The following UNC80 variants were observed in gnomAD, a reference collection of about 807,000 sequenced individuals.
UNC80 encodes the protein unc-80 subunit of NALCN channel complex, also known as protein unc-80 homolog.
In UNC80, 164 loss-of-function variants were observed where a neutral mutation model predicts 384.6. That is an observed-to-expected ratio of 0.43 (90% CI 0.38 to 0.49). The LOEUF (loss-of-function observed/expected upper bound fraction) is 0.49. Ranked by LOEUF, UNC80 falls within the 20% of genes least tolerant of loss-of-function variation. The pLI is 0.00. For missense variants in UNC80, 3,330 were observed against 4,143.0 expected (o/e 0.80, Z 5.39); for synonymous variants, 1,486 against 1,527.8 (o/e 0.97, Z 0.64).
intron 40 of UNC80, 131 bp from the exon 41 acceptor site, chr2:209,936,713 A>T (rs1446925909): frequency 4.7e-6 from 3 of 638,378 alleles, no homozygotes; most frequent in Non-Finnish European, 5.6e-6. Context: ...TTTACATAAG[A>T]CATCAATATA....
In UNC80 at chr2:209,962,831, C is replaced by A. The variant is rs546217118; in HGVS notation, c.7805+3124C>A. Among the ~76,000 whole-genome samples the A allele has an allele frequency of 2.6e-5, 4 of 152,196 alleles. No homozygotes were observed. The South Asian group carries it at 8.3e-4, about 32-fold the overall frequency. On this transcript the variant is annotated intron_variant, in intron 51 of 64. Transcript: ENST00000673920. ...TTAAGGCTCTCCTATAAGTTAAGTG[C>A]GCACTTGAATATGTGTAAAAGTTGG...
In UNC80 at chr2:209,995,656, A is replaced by T. The variant is rs2093473247; in HGVS notation, c.*61A>T. ...ACATGAAAGTGATCTCTCTACTACAAGTTCAATACTTTTGCTTGAAAAAGA... is the reference window on the plus strand; with the variant it reads ...ACATGAAAGTGATCTCTCTACTACATGTTCAATACTTTTGCTTGAAAAAGA... On this transcript the variant is annotated 3_prime_UTR_variant, in exon 65 of 65. Coordinates refer to ENST00000673920, the MANE Select transcript of UNC80 (RefSeq NM_001371986.1). 6.7e-7 allele frequency: 1 copy of T among 1,497,560 alleles called. No homozygotes were observed. The highest frequency in any genetic ancestry group is 2.5e-5 in the East Asian group (1 of 40,374). 92.8% of individuals were successfully genotyped at this position (1,497,560 alleles called of 1,614,324 possible). A position where few individuals can be genotyped will look rare whatever the true frequency, so the allele number is the denominator to read the frequency against.
Position 209,917,799 on chromosome 2 carries a change from A to C in UNC80, c.5052A>C (p.Ala1684=). The C allele has an allele frequency of 6.4e-7, 1 of 1,552,138 alleles. No homozygotes were observed. Among genetic ancestry groups the C allele is most frequent in the Non-Finnish European group, 8.7e-7 (1 of 1,147,076 alleles). Residue 1684 remains alanine, a synonymous_variant, in exon 32 of 65, where the codon GCA becomes GCC. Transcript: ENST00000673920. ...TAGCTGCCATGTTCCTGCTGTGTGC[A>C]GTGAAGGTGCCTGAGGCCGTGTCCG... is the stretch of plus-strand genomic sequence containing the variant. ...GAAAAMFLLC[A]VKVPEAVSDM...
chr2:209,925,691 A>T (rs1469365140), intron 35 of UNC80, among the ~76,000 whole-genome samples: 1 of 152,046 alleles, frequency 6.6e-6, no homozygotes, highest in East Asian at 1.9e-4. Flanking sequence ...GATTTTACAG[A>T]GTGCTGGTTG....
At chr2:209,794,324 AC>A (rs2078020000) in intron 7 of UNC80, among the ~76,000 whole-genome samples, 1 of 152,158 alleles carries the variant, frequency 6.6e-6, no homozygotes, top group Admixed American at 6.5e-5. Context: ...TTGCTTATAA[AC>A]ACCTTCTCCA....
At position 209,917,896 on chromosome 2, in the gene UNC80, C is replaced by G; in HGVS notation, c.5149C>G (p.Leu1717Val). 6.4e-7 allele frequency: 1 copy of G among 1,551,792 alleles called. No individual in the cohort carries two copies. Among genetic ancestry groups the G allele is most frequent in the Non-Finnish European group, 8.7e-7 (1 of 1,147,012 alleles). The change falls in exon 32 of 65, where the codon CTC becomes GTC. Residue 1717 changes from leucine to valine, a missense_variant. Transcript: ENST00000673920. ...RLNAVLKFHTLWRFRYQVWPR... is the reference protein window; with the variant it reads ...RLNAVLKFHTVWRFRYQVWPR... Reference sequence around the variant, plus strand: ...GAACGCTGTCCTCAAGTTCCACACGCTCTGGAGGTTTCGCTATCAGGTCTG... The same window carrying G: ...GAACGCTGTCCTCAAGTTCCACACGGTCTGGAGGTTTCGCTATCAGGTCTG...
At chr2:209,882,220 C>T (rs1208562865) in intron 25 of UNC80, among the ~76,000 whole-genome samples, 1 of 152,044 alleles carries the variant, frequency 6.6e-6, no homozygotes, top group Non-Finnish European at 1.5e-5. Context: ...CCTGCCTTGG[C>T]CTCCCAAAGT....
chr2:209,826,722 A>G (rs915207037), intron 14 of UNC80, among the ~76,000 whole-genome samples: 4 of 152,050 alleles, frequency 2.6e-5, no homozygotes, highest in African/African-American at 9.7e-5. Context: ...TTCTTTTTCA[A>G]TTTGAACAAT....
At position 209,793,725 on chromosome 2, in the gene UNC80, C is replaced by T. The variant is rs368311521; in HGVS notation, c.804C>T (p.Leu268=). ...PNQDARHLEG[L]QVVCETFQSD... ...GCTATCTCTGCCTCCAAAAGGGACTCCAGGTGGTTTGTGAAACATTCCAGT... is the reference window on the plus strand; with the variant it reads ...GCTATCTCTGCCTCCAAAAGGGACTTCAGGTGGTTTGTGAAACATTCCAGT... Residue 268 remains leucine (L), a synonymous_variant, in exon 7 of 65, where the codon CTC becomes CTT. Transcript: ENST00000673920. 8 of 1,613,678 alleles carry T rather than the reference C, an allele frequency of 5.0e-6. No individual in the cohort carries two copies. The highest frequency in any genetic ancestry group is 1.3e-5 in the African/African-American group (1 of 74,910).
At chr2:209,947,290 A>C (rs1295623771) in intron 47 of UNC80, among the ~76,000 whole-genome samples, 1 of 152,244 alleles carries the variant, frequency 6.6e-6, no homozygotes, top group Non-Finnish European at 1.5e-5. Flanking sequence ...CAGATATGTC[A>C]GATATTCTGC....
intron 22 of UNC80, among the ~76,000 whole-genome samples, chr2:209,867,883 G>A (rs952065487): frequency 2.0e-5 from 3 of 152,162 alleles, no homozygotes; most frequent in African/African-American, 7.2e-5. Context: ...ACCATTTCAG[G>A]TGTTCTAAAT....
At chr2:209,820,733 C>G in intron 13 of UNC80, 54 bp downstream of exon 13, 4 of 1,461,378 alleles carry the variant, frequency 2.7e-6, no homozygotes, top group Non-Finnish European at 3.6e-6. Context: ...TAATTTCTTT[C>G]TAAAGCTTGC....
Position 209,910,956 on chromosome 2 carries a change from T to A in UNC80, c.4783-1604T>A, listed in dbSNP as rs749163301. Among the ~76,000 whole-genome samples the A allele has an allele frequency of 1.3e-5, 2 of 152,070 alleles. 1 individual carries two copies. The highest frequency in any genetic ancestry group is 2.9e-5 in the Non-Finnish European group (2 of 68,028). ...GCTGAAAGGAACCTAATAATGGCTATCATTGGGTTGGGGATTGTATTAGTC... is the reference window on the plus strand; with the variant it reads ...GCTGAAAGGAACCTAATAATGGCTAACATTGGGTTGGGGATTGTATTAGTC... On this transcript the variant is annotated intron_variant, in intron 29 of 64. Transcript: ENST00000673920.
intron 21 of UNC80, among the ~76,000 whole-genome samples, chr2:209,844,025 A>G (rs936055749): frequency 6.6e-6 from 1 of 152,070 alleles, no homozygotes; most frequent in African/African-American, 2.4e-5. Context: ...GCGAGGGCAA[A>G]CATCAAGTTT....
At chr2:209,918,441 A>G (rs1008903246) in intron 32 of UNC80, 91 bp from the exon 33 acceptor site, 3 of 1,381,594 alleles carry the variant, frequency 2.2e-6, no homozygotes, top group Admixed American at 4.7e-5. Context: ...GATGATTAAC[A>G]CTTCCTGAGA....
chr2:209,793,708 T>C lies in UNC80; in HGVS notation c.799-12T>C. The C allele has an allele frequency of 6.2e-7, 1 of 1,613,088 alleles. No homozygotes were observed. The highest frequency in any genetic ancestry group is 1.7e-5 in the Admixed American group (1 of 59,916). ...AAAACAAAACCTAATCTGCTATCTCTGCCTCCAAAAGGGACTCCAGGTGGT... is the reference window on the plus strand; with the variant it reads ...AAAACAAAACCTAATCTGCTATCTCCGCCTCCAAAAGGGACTCCAGGTGGT... On this transcript the variant is annotated splice_polypyrimidine_tract_variant and intron_variant, in intron 6 of 64. Coordinates refer to ENST00000673920, the MANE Select transcript of UNC80 (RefSeq NM_001371986.1).
At chr2:209,873,401 T>A (rs1343515311) in intron 23 of UNC80, among the ~76,000 whole-genome samples, 1 of 152,190 alleles carries the variant, frequency 6.6e-6, no homozygotes, top group East Asian at 1.9e-4. Context: ...AAGGCATGAT[T>A]TTTTCTAATT....
Position 209,772,046 on chromosome 2 carries a change from G to A in UNC80, c.-27G>A, listed in dbSNP as rs1464583182. ...TAGCGAGGAGACAGAGCTGGGTCCTGCAGTAGGACTCCCGGGAGCCACCAT... is the reference window on the plus strand; with the variant it reads ...TAGCGAGGAGACAGAGCTGGGTCCTACAGTAGGACTCCCGGGAGCCACCAT... On this transcript the variant is annotated 5_prime_UTR_variant, in exon 1 of 65. Coordinates refer to ENST00000673920, the MANE Select transcript of UNC80 (RefSeq NM_001371986.1). The A allele has an allele frequency of 6.6e-7, 1 of 1,521,424 alleles. No individual in the cohort carries two copies. The highest frequency in any genetic ancestry group is 8.9e-7 in the Non-Finnish European group (1 of 1,121,132). The allele number at this position is 1,521,424 out of a possible 1,614,324, so 94.2% of individuals were successfully genotyped here.
rs2091067808 is a variant in UNC80 at position 209,933,952 on chromosome 2, C to T, written c.6125C>T (p.Thr2042Met). 1.3e-6 allele frequency: 2 copies of T among 1,550,518 alleles called. No individual in the cohort carries two copies. The highest frequency in any genetic ancestry group is 1.7e-6 in the Non-Finnish European group (2 of 1,146,694). Reference protein sequence around the residue: ...EGLFFKDLKQTMKKEQCEVKL... With the variant: ...EGLFFKDLKQMMKKEQCEVKL... ...CTCTTCTTCAAGGATCTCAAGCAGA[C>T]GATGAAGAAGGAGCAGTGTGAGGTG... Residue 2042 changes from threonine to methionine, a missense_variant, in exon 39 of 65, where the codon ACG becomes ATG. Physicochemically the swap from Thr to Met is moderately conservative, Grantham distance 81. Coordinates refer to ENST00000673920, the MANE Select transcript of UNC80 (RefSeq NM_001371986.1).
Sources: gnomAD v4.1 joint callset for allele counts (sites outside exome capture counted in the v4.1 genomes callset) on GRCh38, gnomAD v4.1.1 for gene constraint, MANE v1.5 for transcripts, NCBI Gene and HGNC (gene_info 2026-07-23, HGNC 2026-07-21) for gene names.